ZNF266: variants seen among roughly 807,000 people sequenced by gnomAD.
ZNF266 encodes zinc finger protein 266.
Under a neutral mutation model 16.4 loss-of-function variants are expected in ZNF266, and 16 were observed. The observed-to-expected ratio is 0.98, with a 90% CI of 0.66 to 1.48. The LOEUF is 1.48. ZNF266 is among the 40% of genes most tolerant of loss of function. The pLI is 0.00. For missense variants in ZNF266, 738 were observed against 689.1 expected (o/e 1.07, Z -0.79); for synonymous variants, 262 against 237.9 (o/e 1.10, Z -0.93).
chr19:9,423,070 A>C (rs2070179773), intron 5 of ZNF266, among the ~76,000 whole-genome samples: 1 of 152,212 alleles, frequency 6.6e-6, no homozygotes, highest in South Asian at 2.1e-4. Context: ...GCTGCACCTC[A>C]GTGCTTGCTC....
intron 5 of ZNF266, among the ~76,000 whole-genome samples, chr19:9,422,091 T>C (rs1322856936): frequency 2.0e-5 from 3 of 152,194 alleles, no homozygotes; most frequent in African/African-American, 7.2e-5. Flanking sequence ...GACTTTGTGA[T>C]CTGCCCGCCT....
At position 9,415,585 on chromosome 19, in the gene ZNF266, G is replaced by C. The variant is rs2068850720; in HGVS notation, c.405+69C>G. ...GAGCCACCATTCCCAGCTTTATTCT[G>C]ATTTTCTATAATGGAATCCCCAATC... On this transcript the variant is annotated intron_variant, in intron 10 of 10. Transcript: ENST00000592904. 2.2e-6 allele frequency: 3 copies of C among 1,355,798 alleles called. No homozygotes were observed. In the Admixed American group the frequency reaches 5.2e-5, roughly 23 times the overall value. 84.0% of individuals were successfully genotyped at this position (1,355,798 alleles called of 1,614,324 possible).
intron 5 of ZNF266, among the ~76,000 whole-genome samples, chr19:9,426,375 T>C (rs915429330): frequency 6.6e-6 from 1 of 152,156 alleles, no homozygotes; most frequent in Non-Finnish European, 1.5e-5. Flanking sequence ...TCTTGAGGTC[T>C]GGAGTTCCCA....
At chr19:9,428,084 G>A (rs1411467862) in intron 5 of ZNF266, among the ~76,000 whole-genome samples, 1 of 152,132 alleles carries the variant, frequency 6.6e-6, no homozygotes, top group Non-Finnish European at 1.5e-5. Flanking sequence ...ATGGTCATTA[G>A]CTGCCCCAGG....
chr19:9,426,916 A>C (rs1276524883), intron 5 of ZNF266, among the ~76,000 whole-genome samples: 1 of 152,244 alleles, frequency 6.6e-6, no homozygotes, highest in Non-Finnish European at 1.5e-5. Context: ...AATATTCCAT[A>C]TTAGGTATAA....
chr19:9,424,851 A>C (rs1017634107), intron 5 of ZNF266, among the ~76,000 whole-genome samples: 1 of 152,164 alleles, frequency 6.6e-6, no homozygotes, highest in Non-Finnish European at 1.5e-5. Context: ...GTGGGTGAGG[A>C]CTTCTTCCCT....
chr19:9,415,071 G>T (rs947737530), intron 10 of ZNF266, among the ~76,000 whole-genome samples: 3 of 152,222 alleles, frequency 2.0e-5, no homozygotes, highest in Non-Finnish European at 2.9e-5. Flanking sequence ...AACGTGGGCA[G>T]ATCACCTCAG....
Position 9,414,326 on chromosome 19 carries a change from G to T in ZNF266, c.800C>A (p.Ala267Asp), listed in dbSNP as rs778482422. The T allele has an allele frequency of 3.1e-6, 5 of 1,613,970 alleles. No individual in the cohort carries two copies. The highest frequency in any genetic ancestry group is 4.2e-6 in the Non-Finnish European group (5 of 1,179,930). Residue 267 changes from alanine to aspartate, a missense_variant, in exon 11 of 11, where the codon GCT (alanine) becomes GAT (aspartate). Ala to Asp is a moderately radical substitution (Grantham distance 126). Transcript: ENST00000592904. ...TGACCTGTGAGTTTGTATACGCACA[G>T]CAAGGTCTGTGGAGTGAATAAAGCC... ...GRGFIHSTDL[A>D]VRIQTHRSEK... is the part of the protein sequence containing the mutation.
chr19:9,420,112 G>A lies in ZNF266; in HGVS notation c.-23C>T, dbSNP rs2069636926. The A allele has an allele frequency of 6.5e-6, 1 of 152,784 alleles. No individual in the cohort carries two copies. The highest frequency in any genetic ancestry group is 1.5e-5 in the Non-Finnish European group (1 of 68,206). The allele number at this position is 152,784 out of a possible 1,614,324, so 9.5% of individuals were successfully genotyped here. ...CATCCCACAGGGCTGATGGCTGAAT[G>A]TGCTTCAAAGCACCTTTCCTTTACT... is the stretch of plus-strand genomic sequence containing the variant. On this transcript the variant is annotated 5_prime_UTR_variant, in exon 6 of 11. Transcript: ENST00000592904.
intron 5 of ZNF266, among the ~76,000 whole-genome samples, chr19:9,425,045 CTGTT>C (rs1039038314): frequency 4.9e-4 from 74 of 152,296 alleles, no homozygotes; most frequent in African/African-American, 1.7e-3. Context: ...GCCTGTGTAG[CTGTT>C]TGTTATACAG....
chr19:9,420,014 G>C (rs889496084), intron 6 of ZNF266, 51 bp downstream of exon 6: 1 of 152,480 alleles, frequency 6.6e-6, no homozygotes, highest in Non-Finnish European at 1.5e-5. Flanking sequence ...TACTGTGTGG[G>C]GGGGGACACC....
chr19:9,422,529 A>C (rs564683489), intron 5 of ZNF266, among the ~76,000 whole-genome samples: 3 of 152,288 alleles, frequency 2.0e-5, no homozygotes, highest in African/African-American at 7.2e-5. Context: ...TGCATACCAA[A>C]GACTGGTTTC....
Position 9,414,086 on chromosome 19 carries a change from GA to G in ZNF266, c.1039del (p.Ser347ProfsTer4), listed in dbSNP as rs1208063512. The G allele has an allele frequency of 1.2e-6, 2 of 1,613,502 alleles. No homozygotes were observed. The highest frequency in any genetic ancestry group is 1.7e-6 in the Non-Finnish European group (2 of 1,179,874). ...TTTCATATGTTGACTTAAGCAAGAG[GA>G]AACAGTGAAGGCTCTCCCACAATCC... Reference protein sequence around the residue: ...CKDCGRAFTVSSCLSQHMKIH... With the variant: ...CKDCGRAFTVXSCLSQHMKIH... On this transcript the variant is annotated frameshift_variant, in exon 11 of 11. Transcript: ENST00000592904. LOFTEE classifies it low-confidence loss of function (END_TRUNC).
intron 9 of ZNF266, 45 bp from the exon 10 acceptor site, chr19:9,415,787 G>T: frequency 6.7e-7 from 1 of 1,500,528 alleles, no homozygotes; most frequent in South Asian, 1.1e-5. Flanking sequence ...ATACAGGGTA[G>T]ACAGATGGAG....
intron 9 of ZNF266, among the ~76,000 whole-genome samples, chr19:9,416,989 A>T (rs1258646874): frequency 6.6e-6 from 1 of 152,194 alleles, no homozygotes; most frequent in African/African-American, 2.4e-5. Flanking sequence ...GAACTTTTAA[A>T]GAAGAAACCA....
chr19:9,413,073 T>G lies in ZNF266; in HGVS notation c.*202A>C. The G allele has an allele frequency of 1.7e-6, 1 of 582,928 alleles. No homozygotes were observed. Among genetic ancestry groups the G allele is most frequent in the Non-Finnish European group, 2.9e-6 (1 of 346,386 alleles). The allele number at this position is 582,928 out of a possible 1,614,324, so 36.1% of individuals were successfully genotyped here. A position where few individuals can be genotyped will look rare whatever the true frequency, so the allele number is the denominator to read the frequency against. On this transcript the variant is annotated 3_prime_UTR_variant, in exon 11 of 11. Transcript: ENST00000592904. ...AGTTTCTCTCCAGTGAGATTTCTGA[T>G]GTGTTTGGTAAGGCTTGAGAATTCA...
chr19:9,426,368 T>G (rs2070744229), intron 5 of ZNF266, among the ~76,000 whole-genome samples: 1 of 152,132 alleles, frequency 6.6e-6, no homozygotes, highest in Non-Finnish European at 1.5e-5. Flanking sequence ...CTGATTGTCT[T>G]GAGGTCTGGA....
chr19:9,432,250 C>T (rs1332175039), intron 5 of ZNF266, among the ~76,000 whole-genome samples: 4 of 152,340 alleles, frequency 2.6e-5, no homozygotes, highest in South Asian at 2.1e-4. Flanking sequence ...TGAGCCACTG[C>T]ACCTGGCTTA....
intron 5 of ZNF266, among the ~76,000 whole-genome samples, chr19:9,424,499 A>T (rs2070434921): frequency 6.6e-6 from 1 of 152,204 alleles, no homozygotes. Context: ...GTTCAAGTGG[A>T]GGGCAGGGAA....
Sources: allele counts gnomAD v4.1 joint callset (sites outside exome capture counted in the v4.1 genomes callset), GRCh38; gene constraint gnomAD v4.1.1; transcripts MANE v1.5; gene names NCBI Gene and HGNC (gene_info 2026-07-23, HGNC 2026-07-21).